Variants in MICAL3 observed in about 807,000 individuals in gnomAD.
MICAL3 encodes microtubule associated monooxygenase, calponin and LIM domain containing 3.
Under a neutral mutation model 207.4 loss-of-function variants are expected in MICAL3, and 62 were observed. The observed-to-expected ratio is 0.30, with a 90% CI of 0.24 to 0.37. MICAL3 has a LOEUF of 0.37. Ranked by LOEUF, MICAL3 falls within the 10% of genes least tolerant of loss-of-function variation. The pLI is 1.00. For synonymous variants in MICAL3, 1,077 were observed against 1,069.3 expected (o/e 1.01, Z -0.14); for missense variants, 2,368 against 2,635.6 (o/e 0.90, Z 2.22).
Position 17,817,590 on chromosome 22 carries a change from C to A in MICAL3, c.5071G>T (p.Gly1691Cys). 2.5e-6 allele frequency: 4 copies of A among 1,613,276 alleles called. No homozygotes were observed. Among genetic ancestry groups the A allele is most frequent in the African/African-American group, 2.7e-5 (2 of 75,006 alleles). Residue 1691 changes from glycine to cysteine, a missense_variant, in exon 26 of 32, where the codon GGC (glycine) becomes TGC (cysteine). Gly to Cys is a radical substitution (Grantham distance 159). Around this residue, in one of 4 missense-constraint regions of MICAL3, gnomAD observed 1,770 missense variants for 1,863.2 expected, o/e 0.95. Transcript: ENST00000441493. ...CTCTTCTTGCTCTTCCCACTGGAGC[C>A]CTCGGATGAAGTGAAAGAGCCATCT... ...GPDGSFTSSE[G>C]SSGKSKKRSS...
chr22:17,996,977 T>C (rs1405069845), intron 1 of MICAL3, among the ~76,000 whole-genome samples: 1 of 151,410 alleles, frequency 6.6e-6, no homozygotes, highest in South Asian at 2.1e-4. Flanking sequence ...GGTCAGAGTA[T>C]CACTCATTTC....
At chr22:18,002,379 C>A (rs1188300849) in intron 1 of MICAL3, among the ~76,000 whole-genome samples, 1 of 152,088 alleles carries the variant, frequency 6.6e-6, no homozygotes. Flanking sequence ...GCCTGTAATC[C>A]CAGCACTTTG....
intron 16 of MICAL3, among the ~76,000 whole-genome samples, chr22:17,883,131 GCAT>G (rs1029857816): frequency 3.2e-4 from 49 of 152,266 alleles, no homozygotes; most frequent in African/African-American, 1.2e-3. Flanking sequence ...CCTCAACTAA[GCAT>G]CATCTTTCAA....
intron 19 of MICAL3, among the ~76,000 whole-genome samples, chr22:17,848,710 C>T (rs901201622): frequency 6.6e-6 from 1 of 152,212 alleles, no homozygotes; most frequent in Non-Finnish European, 1.5e-5. Flanking sequence ...GGGAGAAGGG[C>T]TCTAGCCTAT....
intron 28 of MICAL3, among the ~76,000 whole-genome samples, chr22:17,810,259 T>G (rs183210692): frequency 1.3e-5 from 2 of 151,972 alleles, no homozygotes; most frequent in African/African-American, 4.8e-5. Flanking sequence ...AGACGGGGGT[T>G]TCACCGTGTT....
Position 17,887,205 on chromosome 22 carries a change from C to G in MICAL3, c.2032G>C (p.Ala678Pro), listed in dbSNP as rs1929997797. 1 of 1,613,716 alleles carries G rather than the reference C, an allele frequency of 6.2e-7. No homozygotes were observed. The highest frequency in any genetic ancestry group is 1.7e-5 in the Admixed American group (1 of 59,978). Residue 678 changes from alanine to proline, a missense_variant, in exon 15 of 32, where the codon GCT becomes CCT. Around this residue, in one of 4 missense-constraint regions of MICAL3, gnomAD observed 1,770 missense variants for 1,863.2 expected, o/e 0.95. Coordinates refer to ENST00000441493, the MANE Select transcript of MICAL3 (RefSeq NM_015241.3). ...KDKKEKDLDG[A>P]GKRRKTSQSE... ...TGACTGGTCTTTCTCCTCTTCCCAG[C>G]ACCATCCAAGTCCTTTTCCTTTTTA...
At chr22:17,849,147 C>T (rs937619630) in intron 19 of MICAL3, among the ~76,000 whole-genome samples, 3 of 152,192 alleles carry the variant, frequency 2.0e-5, no homozygotes, top group African/African-American at 2.4e-5. Flanking sequence ...GTTTGTTGAG[C>T]GACTACCTGT....
chr22:17,865,316 AG>A (rs1322419053), intron 18 of MICAL3, among the ~76,000 whole-genome samples: 1 of 152,118 alleles, frequency 6.6e-6, no homozygotes, highest in East Asian at 1.9e-4. Flanking sequence ...GAAGCCCTCA[AG>A]GGGGACTGAC....
chr22:17,832,460 C>T (rs560869222), intron 20 of MICAL3, among the ~76,000 whole-genome samples: 1 of 152,160 alleles, frequency 6.6e-6, no homozygotes, highest in Non-Finnish European at 1.5e-5. Context: ...AGCAGCTCCT[C>T]ACGGAGCCCA....
chr22:17,943,407 A>T (rs1933902856), intron 1 of MICAL3, among the ~76,000 whole-genome samples: 1 of 152,128 alleles, frequency 6.6e-6, no homozygotes, highest in South Asian at 2.1e-4. Context: ...CAGGTGATCC[A>T]CCCACCTCAG....
chr22:17,866,900 G>A (rs182036155), intron 17 of MICAL3, among the ~76,000 whole-genome samples: 32 of 152,154 alleles, frequency 2.1e-4, no homozygotes, highest in Non-Finnish European at 3.7e-4. Flanking sequence ...CTTAAAGAGC[G>A]ACTGACGACT....
chr22:17,875,494 G>A lies in MICAL3; in HGVS notation c.2242-3471C>T, dbSNP rs201707704. The A allele has an allele frequency of 7.4e-4, 1,157 of 1,556,260 alleles. 2 individuals are homozygous for A. The highest frequency in any genetic ancestry group is 9.4e-4 in the Non-Finnish European group (1,083 of 1,149,864). The stretch of plus-strand genomic sequence containing the variant: ...GGAGAGGCGGGGCGGGCAGAGGAGC[G>A]GAGACTAAGAGAAAGCTCCCACTGG... On this transcript the variant is annotated intron_variant, in intron 16 of 31. Transcript: ENST00000441493.
rs1486472468 is a variant in MICAL3, at chr22:17,808,744, A to C, written c.5650+100T>G. On this transcript the variant is annotated intron_variant, in intron 29 of 31. Transcript: ENST00000441493. The stretch of plus-strand genomic sequence containing the variant: ...AGGGCCCCAGAAAATCCTGCTGGAA[A>C]AGGAGCTGAATTCCAGGTGAGGTGA... The C allele has an allele frequency of 4.3e-6, 4 of 938,754 alleles. No homozygotes were observed. The African/African-American group carries it at 5.0e-5, about 12-fold the overall frequency. The allele number at this position is 938,754 out of a possible 1,614,324, so 58.2% of individuals were successfully genotyped here. A position where few individuals can be genotyped will look rare whatever the true frequency, so the allele number is the denominator to read the frequency against.
At chr22:17,929,425 C>T (rs1281464451) in intron 1 of MICAL3, among the ~76,000 whole-genome samples, 1 of 151,966 alleles carries the variant, frequency 6.6e-6, no homozygotes, top group African/African-American at 2.4e-5. Flanking sequence ...GTTTTTAAAA[C>T]CATGTGTAAG....
intron 1 of MICAL3, among the ~76,000 whole-genome samples, chr22:17,960,777 G>A (rs1934873232): frequency 1.3e-5 from 2 of 152,246 alleles, no homozygotes; most frequent in East Asian, 3.9e-4. Flanking sequence ...TGGGGAAGGA[G>A]GAGAGGAAGC....
At chr22:17,907,305 T>C (rs1249412913) in intron 1 of MICAL3, among the ~76,000 whole-genome samples, 1 of 151,916 alleles carries the variant, frequency 6.6e-6, no homozygotes, top group African/African-American at 2.4e-5. Context: ...GGAAGAGGTG[T>C]AGGACATGGG....
At chr22:18,002,503 C>T (rs544269161) in intron 1 of MICAL3, among the ~76,000 whole-genome samples, 2 of 151,980 alleles carry the variant, frequency 1.3e-5, no homozygotes, top group South Asian at 4.1e-4. Context: ...CATGGTGGCG[C>T]GCGTCTGTAA....
intron 1 of MICAL3, among the ~76,000 whole-genome samples, chr22:17,929,870 T>C (rs1191205676): frequency 6.6e-6 from 1 of 152,198 alleles, no homozygotes; most frequent in Admixed American, 6.5e-5. Flanking sequence ...GCCCGGCCTC[T>C]ATGCTCCATT....
At chr22:18,012,938 C>T (rs1036159212) in intron 1 of MICAL3, among the ~76,000 whole-genome samples, 1 of 152,212 alleles carries the variant, frequency 6.6e-6, no homozygotes, top group African/African-American at 2.4e-5. Context: ...ACAGTGCCTA[C>T]ATCTTAGCTT....
Sources: allele counts gnomAD v4.1 joint callset (sites outside exome capture counted in the v4.1 genomes callset), GRCh38; gene constraint gnomAD v4.1.1; regional missense constraint gnomAD v4.1.1; transcripts MANE v1.5; gene names NCBI Gene and HGNC (gene_info 2026-07-23, HGNC 2026-07-21).